Variants in ADGRD1 observed in about 807,000 individuals in gnomAD.
ADGRD1 encodes the protein adhesion G protein-coupled receptor D1, also known as G-protein coupled receptor 133.
Under a neutral mutation model 113.4 loss-of-function variants are expected in ADGRD1, and 77 were observed. The observed-to-expected ratio is 0.68, with a 90% CI of 0.57 to 0.82. The LOEUF (loss-of-function observed/expected upper bound fraction) is 0.82. Among genes scored for constraint, ADGRD1 ranks in the 40% least tolerant of loss-of-function variants. The pLI is 0.00. For missense variants in ADGRD1, 1,036 were observed against 1,139.1 expected, an observed-to-expected ratio of 0.91 and a Z score of 1.30; for synonymous variants, 474 against 475.0, an observed-to-expected ratio of 1.00 and a Z score of 0.03.
chr12:131,116,546 CG>C (rs1051586313), intron 18 of ADGRD1, among the ~76,000 whole-genome samples: 1 of 142,134 alleles, frequency 7.0e-6, no homozygotes, highest in African/African-American at 3.1e-5. Context: ...TGGAGGCGGT[CG>C]GGTGGGTGCC....
intron 13 of ADGRD1, among the ~76,000 whole-genome samples, chr12:131,064,071 A>C (rs1294974829): frequency 6.6e-6 from 1 of 152,206 alleles, no homozygotes; most frequent in African/African-American, 2.4e-5. Context: ...TAATTGTAGG[A>C]GTTTCTTTCT....
chr12:131,081,314 C>G (rs976623267), intron 14 of ADGRD1, among the ~76,000 whole-genome samples: 1 of 152,080 alleles, frequency 6.6e-6, no homozygotes. Context: ...TAAAATCTAC[C>G]ATTTTGCTAG....
intron 20 of ADGRD1, among the ~76,000 whole-genome samples, chr12:131,125,997 G>A (rs1482962701): frequency 2.6e-5 from 4 of 152,162 alleles, no homozygotes; most frequent in Non-Finnish European, 5.9e-5. Context: ...ATTATTACTC[G>A]AACCTTCCTA....
intron 4 of ADGRD1, among the ~76,000 whole-genome samples, chr12:130,979,094 G>C (rs895703482): frequency 6.6e-6 from 1 of 151,506 alleles, no homozygotes; most frequent in African/African-American, 2.4e-5. Context: ...CCAGGTCTGG[G>C]GACACCAGCG....
chr12:130,999,163 G>C (rs1876010388), intron 8 of ADGRD1, among the ~76,000 whole-genome samples: 1 of 152,200 alleles, frequency 6.6e-6, no homozygotes, highest in Non-Finnish European at 1.5e-5. Context: ...TCAAGAGTCG[G>C]CAAACTATGG....
At chr12:131,008,532 C>G (rs193078833) in intron 12 of ADGRD1, among the ~76,000 whole-genome samples, 462 of 152,332 alleles carry the variant, frequency 3.0e-3, no homozygotes, top group Non-Finnish European at 5.1e-3. Flanking sequence ...GAACTTTTGT[C>G]TCCACAGCCA....
rs916433191 is a variant in ADGRD1 at position 131,060,806 on chromosome 12, C to T, written c.1474-15995C>T. On this transcript the variant is annotated intron_variant, in intron 13 of 24. Coordinates refer to ENST00000261654, the MANE Select transcript of ADGRD1 (RefSeq NM_198827.5). This position sits in a 1 kb window ranked among gnomAD's most constrained non-coding sequence, Gnocchi z 4.4. ...ACTTATGATCTCACTGCCTGGAGAT[C>T]CCATTGCCTGGATTCTCAGGCAACC... Among the ~76,000 whole-genome samples the T allele has an allele frequency of 6.6e-6, 1 of 152,092 alleles. No homozygotes were observed. Among genetic ancestry groups the T allele is most frequent in the Non-Finnish European group, 1.5e-5 (1 of 68,026 alleles).
At chr12:131,000,469 T>C (rs4759821) in intron 9 of ADGRD1, 27 bp downstream of exon 9, 554,612 of 1,586,494 alleles carry the variant, frequency 0.35, 99,234 homozygotes, top group African/African-American at 0.47. Context: ...TGGTCGGTCA[T>C]GGTGGCTCAT....
At chr12:130,995,698 A>T (rs1483894502) in intron 8 of ADGRD1, among the ~76,000 whole-genome samples, 2 of 151,686 alleles carry the variant, frequency 1.3e-5, no homozygotes, top group Non-Finnish European at 2.9e-5. Flanking sequence ...AAAATGGAAC[A>T]TCTCCCAATT....
rs117874956 is a variant in ADGRD1 at position 131,073,670 on chromosome 12, G to A, written c.1474-3131G>A. Among the ~76,000 whole-genome samples the A allele has an allele frequency of 5.9e-5, 9 of 152,242 alleles. No individual in the cohort carries two copies. The East Asian group carries it at 7.7e-4, about 13-fold the overall frequency. Reference sequence around the variant, plus strand: ...AAAGGAAAGAAGTTTATTTTGGCTCGCAGTTCTGGAGGCTGTGAAGTCCAA... The same window carrying A: ...AAAGGAAAGAAGTTTATTTTGGCTCACAGTTCTGGAGGCTGTGAAGTCCAA... On this transcript the variant is annotated intron_variant, in intron 13 of 24. Transcript: ENST00000261654.
intron 2 of ADGRD1, among the ~76,000 whole-genome samples, chr12:130,955,741 C>T (rs1209794186): frequency 6.6e-6 from 1 of 152,190 alleles, no homozygotes; most frequent in African/African-American, 2.4e-5. Context: ...TTGTATGGCC[C>T]TGCCTGTCTC....
rs569119944 is a variant in ADGRD1, at chr12:131,051,776, G to A, written c.1474-25025G>A. Among the ~76,000 whole-genome samples the A allele has an allele frequency of 2.6e-5, 4 of 152,300 alleles. 1 individual carries two copies. The South Asian group carries it at 8.3e-4, about 32-fold the overall frequency. On this transcript the variant is annotated intron_variant, in intron 13 of 24. Transcript: ENST00000261654. Reference sequence around the variant, plus strand: ...GCTGGGATTTCAGGTGTGAGCTACCGCGCCCAGGCGATAGCTGTTTTCCTA... The same window carrying A: ...GCTGGGATTTCAGGTGTGAGCTACCACGCCCAGGCGATAGCTGTTTTCCTA...
At chr12:131,131,966 C>T in intron 21 of ADGRD1, 150 bp downstream of exon 21, 1 of 643,508 alleles carries the variant, frequency 1.6e-6, no homozygotes, top group South Asian at 1.8e-5. Context: ...CAGGGCAGCT[C>T]TGGTTTCACG....
At chr12:131,105,711 G>A (rs1280236414) in intron 16 of ADGRD1, 43 bp from the exon 17 acceptor site, 1 of 1,494,788 alleles carries the variant, frequency 6.7e-7, no homozygotes, top group African/African-American at 1.4e-5. Context: ...GGGGGACTGG[G>A]TCGGCGCAGG....
chr12:131,065,555 C>G (rs1884659431), intron 13 of ADGRD1, among the ~76,000 whole-genome samples: 2 of 152,202 alleles, frequency 1.3e-5, no homozygotes, highest in African/African-American at 4.8e-5. Flanking sequence ...TGATACGGAT[C>G]TGTCCTGGGT....
In ADGRD1 at chr12:131,041,807, T is replaced by G. The variant is rs1234873385; in HGVS notation, c.1473+27467T>G. Among the ~76,000 whole-genome samples the G allele has an allele frequency of 6.6e-6, 1 of 152,218 alleles. No individual in the cohort carries two copies. The highest frequency in any genetic ancestry group is 6.5e-5 in the Admixed American group (1 of 15,282). On this transcript the variant is annotated intron_variant, in intron 13 of 24. Transcript: ENST00000261654. This position sits in a 1 kb window ranked among gnomAD's most constrained non-coding sequence, Gnocchi z 4.4. ...CCTGGGAAGCACATTCTCCCTCTTC[T>G]GGGGTCTTTGCCCACGTCACATTCC... is the stretch of plus-strand genomic sequence containing the variant.
chr12:131,068,889 A>G (rs542717871), intron 13 of ADGRD1, among the ~76,000 whole-genome samples: 10 of 152,376 alleles, frequency 6.6e-5, no homozygotes, highest in African/African-American at 2.4e-4. Context: ...ATAGACGTTT[A>G]TAGGTATTGC....
intron 23 of ADGRD1, 67 bp from the exon 24 acceptor site, chr12:131,138,070 A>G (rs996543590): frequency 2.6e-5 from 34 of 1,324,942 alleles, no homozygotes; most frequent in Non-Finnish European, 3.7e-5. Context: ...GCACCGGCAC[A>G]GACTCCTCTG....
intron 13 of ADGRD1, among the ~76,000 whole-genome samples, chr12:131,031,149 A>G (rs1880687810): frequency 6.6e-6 from 1 of 152,166 alleles, no homozygotes; most frequent in Admixed American, 6.5e-5. Context: ...CCACTGCCGG[A>G]AGCTCTGCTG....
Sources: allele counts gnomAD v4.1 joint callset (sites outside exome capture counted in the v4.1 genomes callset), GRCh38; gene constraint gnomAD v4.1.1; non-coding constraint Gnocchi (gnomAD v3.1); transcripts MANE v1.5; gene names NCBI Gene and HGNC (gene_info 2026-07-23, HGNC 2026-07-21).